PDE3A: variants seen among roughly 807,000 people sequenced by gnomAD.
PDE3A encodes cGMP-inhibited 3',5'-cyclic phosphodiesterase 3A.
In PDE3A, 43 loss-of-function variants were observed where a neutral mutation model predicts 98.3. That is an observed-to-expected ratio of 0.44 (90% CI 0.34 to 0.56). The LOEUF (loss-of-function observed/expected upper bound fraction) is 0.56. Ranked by LOEUF, PDE3A falls within the 20% of genes least tolerant of loss-of-function variation. The pLI, the probability that PDE3A is intolerant of heterozygous loss-of-function variation, is 0.01. For missense variants in PDE3A, 1,427 were observed against 1,440.7 expected (o/e 0.99, Z 0.15); for synonymous variants, 663 against 567.9 (o/e 1.17, Z -2.38).
At chr12:20,370,289 A>T in intron 1 of PDE3A, 45 bp downstream of exon 1, 1 of 1,477,086 alleles carries the variant, frequency 6.8e-7, no homozygotes, top group Non-Finnish European at 9.0e-7. Flanking sequence ...AACTTGAAAC[A>T]CTTGGCAACC....
intron 1 of PDE3A, among the ~76,000 whole-genome samples, chr12:20,447,359 T>A (rs1322192340): frequency 6.6e-6 from 1 of 152,248 alleles, no homozygotes; most frequent in Non-Finnish European, 1.5e-5. Flanking sequence ...AGACGACTAG[T>A]GGCTGGAGGC....
chr12:20,511,163 G>A (rs1466935155), intron 1 of PDE3A, among the ~76,000 whole-genome samples: 2 of 152,004 alleles, frequency 1.3e-5, no homozygotes, highest in African/African-American at 4.8e-5. Flanking sequence ...GCTTCATGTT[G>A]ATACAAGTGG....
At position 20,654,124 on chromosome 12, in the gene PDE3A, G is replaced by C. The variant is rs866583496; in HGVS notation, c.3103G>C (p.Asp1035His). 6.2e-6 allele frequency: 10 copies of C among 1,613,920 alleles called. No individual in the cohort carries two copies. The highest frequency in any genetic ancestry group is 1.3e-5 in the African/African-American group (1 of 74,922). ...KWVEDSDESGDTDDPEEEEEE... is the reference protein window; with the variant it reads ...KWVEDSDESGHTDDPEEEEEE... ...GGTGGAAGACAGCGATGAGTCAGGA[G>C]ATACTGATGACCCAGAAGAAGAGGA... Residue 1035 changes from aspartate to histidine, a missense_variant, in exon 15 of 16, where the codon GAT (aspartate) becomes CAT (histidine). Around this residue, in one of 3 missense-constraint regions of PDE3A, gnomAD observed 142 missense variants for 133.9 expected, o/e 1.06. Coordinates refer to ENST00000359062, the MANE Select transcript of PDE3A (RefSeq NM_000921.5).
chr12:20,404,787 C>G (rs1944200201), intron 1 of PDE3A, among the ~76,000 whole-genome samples: 1 of 148,248 alleles, frequency 6.7e-6, no homozygotes, highest in African/African-American at 2.5e-5. Flanking sequence ...GGCCACGTGC[C>G]AGGGACCATT....
intron 1 of PDE3A, among the ~76,000 whole-genome samples, chr12:20,531,322 A>G (rs1328258115): frequency 6.6e-6 from 1 of 152,224 alleles, no homozygotes; most frequent in African/African-American, 2.4e-5. Flanking sequence ...TCATTACAGG[A>G]AAAAATAATG....
rs761312917 is a variant in PDE3A at position 20,633,739 on chromosome 12, G to A, written c.1807G>A (p.Glu603Lys). ...AGGGAATCCTGCTGATGAGCCCCTGGAGAGAAGTGGGGTAGCCACTCGGAC... is the reference window on the plus strand; with the variant it reads ...AGGGAATCCTGCTGATGAGCCCCTGAAGAGAAGTGGGGTAGCCACTCGGAC... Reference protein sequence around the residue: ...SQGNPADEPLERSGVATRTPS... With the variant: ...SQGNPADEPLKRSGVATRTPS... Residue 603 changes from glutamate (E) to lysine (K), a missense_variant, in exon 7 of 16, where the codon GAG becomes AAG. Physicochemically the swap from Glu to Lys is moderately conservative, Grantham distance 56. Transcript: ENST00000359062. 9 of 1,610,894 alleles carry A rather than the reference G, an allele frequency of 5.6e-6. No homozygotes were observed. Among genetic ancestry groups the A allele is most frequent in the Admixed American group, 3.4e-5 (2 of 59,488 alleles).
At chr12:20,651,832 T>C (rs1053642265) in intron 14 of PDE3A, among the ~76,000 whole-genome samples, 2 of 152,194 alleles carry the variant, frequency 1.3e-5, no homozygotes, top group Non-Finnish European at 2.9e-5. Context: ...GTTTGTTACA[T>C]ATATATACAT....
chr12:20,440,968 A>G (rs1186429570), intron 1 of PDE3A, among the ~76,000 whole-genome samples: 2 of 152,208 alleles, frequency 1.3e-5, no homozygotes, highest in Non-Finnish European at 2.9e-5. Flanking sequence ...TGACACATGA[A>G]TAAAACATTA....
At chr12:20,621,757 A>C (rs981138809) in intron 5 of PDE3A, among the ~76,000 whole-genome samples, 2 of 152,090 alleles carry the variant, frequency 1.3e-5, no homozygotes, top group South Asian at 4.1e-4. Context: ...ATTATTTTTC[A>C]GGAGTATGAT....
chr12:20,497,940 G>A (rs1019638078), intron 1 of PDE3A, among the ~76,000 whole-genome samples: 1 of 152,070 alleles, frequency 6.6e-6, no homozygotes, highest in African/African-American at 2.4e-5. Context: ...GAGTGGGGAG[G>A]AAATCATGTA....
chr12:20,569,672 C>A (rs1942748812), intron 2 of PDE3A, among the ~76,000 whole-genome samples: 1 of 152,070 alleles, frequency 6.6e-6, no homozygotes, highest in South Asian at 2.1e-4. Flanking sequence ...TTCTCATTAA[C>A]CTTCAGTTAA....
At chr12:20,478,670 C>A (rs572762238) in intron 1 of PDE3A, among the ~76,000 whole-genome samples, 13 of 152,272 alleles carry the variant, frequency 8.5e-5, no homozygotes, top group South Asian at 8.3e-4. Context: ...TGCTTTTCGT[C>A]CACCTGTTTT....
At chr12:20,462,195 A>C (rs1331603638) in intron 1 of PDE3A, among the ~76,000 whole-genome samples, 3 of 152,216 alleles carry the variant, frequency 2.0e-5, no homozygotes, top group Non-Finnish European at 2.9e-5. Flanking sequence ...AAGATTAAAA[A>C]TTGAACTACT....
chr12:20,464,018 T>C (rs2120937318), intron 1 of PDE3A, among the ~76,000 whole-genome samples: 1 of 152,330 alleles, frequency 6.6e-6, no homozygotes, highest in South Asian at 2.1e-4. Flanking sequence ...GAACCTTTAA[T>C]ATTCATTACC....
At chr12:20,388,277 T>A (rs1443051452) in intron 1 of PDE3A, among the ~76,000 whole-genome samples, 2 of 152,000 alleles carry the variant, frequency 1.3e-5, no homozygotes, top group African/African-American at 4.8e-5. Context: ...GGCTTAAAAT[T>A]TCTTATAAAA....
At chr12:20,608,064 C>T (rs563193502) in intron 2 of PDE3A, among the ~76,000 whole-genome samples, 35 of 150,600 alleles carry the variant, frequency 2.3e-4, no homozygotes, top group Admixed American at 4.7e-4. Flanking sequence ...AAAACCAAAA[C>T]CCCTCTCCCT....
In PDE3A at chr12:20,619,134, A is replaced by G. The variant is rs552582073; in HGVS notation, c.1425-2162A>G. On this transcript the variant is annotated intron_variant, in intron 4 of 15. Transcript: ENST00000359062. ...CTGTGAGGGTCTCACACAGCAATAT[A>G]TGAAAGCACCTGTGAACTATAATGC... Among the ~76,000 whole-genome samples, 3 of 151,886 alleles carry G rather than the reference A, an allele frequency of 2.0e-5. No homozygotes were observed. The South Asian group carries it at 6.2e-4, about 31-fold the overall frequency.
At chr12:20,646,003 A>G (rs1944767596) in intron 10 of PDE3A, among the ~76,000 whole-genome samples, 1 of 152,210 alleles carries the variant, frequency 6.6e-6, no homozygotes, top group Non-Finnish European at 1.5e-5. Flanking sequence ...ATGTTATTGC[A>G]GTGCTTTAAG....
chr12:20,449,029 C>G (rs1945013012), intron 1 of PDE3A, among the ~76,000 whole-genome samples: 1 of 152,272 alleles, frequency 6.6e-6, no homozygotes, highest in South Asian at 2.1e-4. Context: ...TTATCACCTG[C>G]TGGATTGCTA....
Sources: allele counts gnomAD v4.1 joint callset (sites outside exome capture counted in the v4.1 genomes callset), GRCh38; gene constraint gnomAD v4.1.1; regional missense constraint gnomAD v4.1.1; transcripts MANE v1.5; gene names NCBI Gene and HGNC (gene_info 2026-07-23, HGNC 2026-07-21).